ARMC9: variants seen among roughly 807,000 people sequenced by gnomAD.
ARMC9 encodes the protein lisH domain-containing protein ARMC9.
Under a neutral mutation model 107.0 loss-of-function variants are expected in ARMC9, and 94 were observed. That is an observed-to-expected ratio of 0.88 (90% CI 0.74 to 1.04). The LOEUF (loss-of-function observed/expected upper bound fraction) is 1.04. ARMC9 is among the 50% of genes least tolerant of loss of function. The pLI is 0.00. For missense variants in ARMC9, 942 were observed against 1,030.1 expected (o/e 0.91, Z 1.17); for synonymous variants, 380 against 396.9 (o/e 0.96, Z 0.51).
At chr2:231,346,899 T>C (rs2044839960) in intron 21 of ARMC9, among the ~76,000 whole-genome samples, 1 of 152,228 alleles carries the variant, frequency 6.6e-6, no homozygotes, top group Non-Finnish European at 1.5e-5. Context: ...ATAAAATTCC[T>C]CTTGCTTGAC....
intron 6 of ARMC9, among the ~76,000 whole-genome samples, chr2:231,225,722 A>C (rs1231462668): frequency 6.6e-6 from 1 of 152,230 alleles, no homozygotes; most frequent in Non-Finnish European, 1.5e-5. Flanking sequence ...TGGGGAGAGC[A>C]GGGAAAATGG....
chr2:231,200,549 C>T (rs1053482029), intron 1 of ARMC9, among the ~76,000 whole-genome samples: 45 of 152,178 alleles, frequency 3.0e-4, no homozygotes, highest in Admixed American at 2.6e-4. Context: ...TGGCGGACGC[C>T]TGTAATCCCA....
intron 3 of ARMC9, among the ~76,000 whole-genome samples, chr2:231,210,001 T>C (rs2032592046): frequency 6.6e-6 from 1 of 152,192 alleles, no homozygotes; most frequent in Non-Finnish European, 1.5e-5. Context: ...TTTAACAGAT[T>C]TTTAAATTTT....
At position 231,345,063 on chromosome 2, in the gene ARMC9, C is replaced by T; in HGVS notation, c.1967C>T (p.Pro656Leu). ...GAGCCCCTGCAAAGGCCCGTCACCC[C>T]CGGCGGCCACAGAAACGGGTACCCA... ...GDEPLQRPVTPGGHRNGYPVV... is the reference protein window; with the variant it reads ...GDEPLQRPVTLGGHRNGYPVV... Residue 656 changes from proline (P) to leucine (L), a missense_variant, in exon 21 of 25, where the codon CCC becomes CTC. Coordinates refer to ENST00000611582, the MANE Select transcript of ARMC9 (RefSeq NM_001352754.2). 1 of 1,613,726 alleles carries T rather than the reference C, an allele frequency of 6.2e-7. No homozygotes were observed. The highest frequency in any genetic ancestry group is 8.5e-7 in the Non-Finnish European group (1 of 1,179,930).
chr2:231,285,235 A>G (rs2040505066), intron 17 of ARMC9, among the ~76,000 whole-genome samples: 1 of 152,102 alleles, frequency 6.6e-6, no homozygotes, highest in East Asian at 1.9e-4. Context: ...TTGGTCAAAC[A>G]TCAGCTTTAA....
At chr2:231,276,260 C>T (rs2039738649) in intron 14 of ARMC9, among the ~76,000 whole-genome samples, 1 of 151,574 alleles carries the variant, frequency 6.6e-6, no homozygotes, top group South Asian at 2.1e-4. Flanking sequence ...TATGCATTCA[C>T]ATTACTGTTT....
chr2:231,262,442 C>T, intron 12 of ARMC9, 44 bp downstream of exon 12: 1 of 1,529,348 alleles, frequency 6.5e-7, no homozygotes, highest in Non-Finnish European at 9.1e-7. Context: ...GCCTTCAATT[C>T]TAGGGAATGA....
intron 11 of ARMC9, among the ~76,000 whole-genome samples, chr2:231,259,901 CAGG>C (rs1279859259): frequency 6.6e-6 from 1 of 152,142 alleles, no homozygotes; most frequent in Admixed American, 6.5e-5. Context: ...GAGACTGAGG[CAGG>C]AGAATTGCTT....
At position 231,372,751 on chromosome 2, in the gene ARMC9, T is replaced by A. The variant is rs989228419; in HGVS notation, c.*1216T>A. On this transcript the variant is annotated 3_prime_UTR_variant, in exon 25 of 25. Transcript: ENST00000611582. ...GTGTGTGTGTGTGTGTGTGTGTGTG[T>A]GTGTATGAGTGTATGAAGGGAAATG... 1.2e-4 allele frequency: 10 copies of A among 86,026 alleles called. No homozygotes were observed. The highest frequency in any genetic ancestry group is 1.0e-4 in the Non-Finnish European group (5 of 48,856). 5.3% of individuals were successfully genotyped at this position (86,026 alleles called of 1,614,324 possible).
chr2:231,236,491 A>C (rs1232376406), intron 8 of ARMC9, among the ~76,000 whole-genome samples: 1 of 152,196 alleles, frequency 6.6e-6, no homozygotes, highest in Non-Finnish European at 1.5e-5. Context: ...GTAGATTCAC[A>C]CTGCAGTTAT....
intron 20 of ARMC9, among the ~76,000 whole-genome samples, chr2:231,337,079 G>A (rs2044142475): frequency 6.6e-6 from 1 of 152,206 alleles, no homozygotes; most frequent in Admixed American, 6.5e-5. Context: ...ACCAAAACTA[G>A]AGGAGAAAAG....
intron 14 of ARMC9, among the ~76,000 whole-genome samples, chr2:231,276,310 G>A (rs570970477): frequency 1.5e-4 from 22 of 148,756 alleles, no homozygotes; most frequent in South Asian, 4.3e-4. Flanking sequence ...TTGCTCCATC[G>A]CCCAGGCTGG....
At chr2:231,242,945 C>T (rs1454720028) in intron 9 of ARMC9, among the ~76,000 whole-genome samples, 2 of 151,940 alleles carry the variant, frequency 1.3e-5, no homozygotes, top group Non-Finnish European at 2.9e-5. Context: ...AACCCATCTC[C>T]ACAAAAAATA....
At chr2:231,228,530 C>T (rs2034888087) in intron 7 of ARMC9, among the ~76,000 whole-genome samples, 1 of 152,198 alleles carries the variant, frequency 6.6e-6, no homozygotes, top group Admixed American at 6.5e-5. Flanking sequence ...GTGAATGTCC[C>T]CAGAGAGAGC....
rs556734025 is a variant in ARMC9 at position 231,219,227 on chromosome 2, T to C, written c.504+2434T>C. Among the ~76,000 whole-genome samples, 4 of 152,286 alleles carry C rather than the reference T, an allele frequency of 2.6e-5. No homozygotes were observed. The East Asian group carries it at 7.7e-4, about 29-fold the overall frequency. On this transcript the variant is annotated intron_variant, in intron 5 of 24. Transcript: ENST00000611582. ...TACTATTTTATGCAATCAGTGTGTG[T>C]AGATTTTCCCTTATAGCTACCAGTA...
chr2:231,256,583 C>T lies in ARMC9; in HGVS notation c.880-3C>T, dbSNP rs750869801. The T allele has an allele frequency of 2.5e-6, 4 of 1,614,072 alleles. No individual in the cohort carries two copies. Among genetic ancestry groups the T allele is most frequent in the Admixed American group, 3.3e-5 (2 of 60,024 alleles). On this transcript the variant is annotated splice_polypyrimidine_tract_variant and splice_region_variant and intron_variant, in intron 9 of 24. Transcript: ENST00000611582. ...CTGTTTTCTTCTGTCCTCTTCCCCC[C>T]AGGCATCCACCATGTTACGAGCCTC...
chr2:231,211,678 T>G (rs1331152326), intron 3 of ARMC9, among the ~76,000 whole-genome samples: 3 of 152,226 alleles, frequency 2.0e-5, no homozygotes. Flanking sequence ...ATTGCCAAGC[T>G]GTTTTACAAA....
Position 231,350,937 on chromosome 2 carries a change from G to A in ARMC9, c.1995-4861G>A, listed in dbSNP as rs189060702. On this transcript the variant is annotated intron_variant, in intron 21 of 24. Coordinates refer to ENST00000611582, the MANE Select transcript of ARMC9 (RefSeq NM_001352754.2). ...CCTGCAGCCATCCTATTTGCACAAA[G>A]TGACAATTCTTTTTTTTTTTTTTTT... Among the ~76,000 whole-genome samples, 515 of 132,146 alleles carry A rather than the reference G, an allele frequency of 3.9e-3. 5 individuals are homozygous for A. The highest frequency in any genetic ancestry group is 0.015 in the African/African-American group (485 of 32,992). The allele number at this position is 132,146 out of a possible 152,430, so 86.7% of individuals were successfully genotyped here.
At chr2:231,319,764 G>A (rs975394570) in intron 19 of ARMC9, among the ~76,000 whole-genome samples, 2 of 152,176 alleles carry the variant, frequency 1.3e-5, no homozygotes, top group African/African-American at 4.8e-5. Flanking sequence ...TGTCCTGCAT[G>A]TGGCCACCAG....
Sources: gnomAD v4.1 joint callset for allele counts (sites outside exome capture counted in the v4.1 genomes callset) on GRCh38, gnomAD v4.1.1 for gene constraint, MANE v1.5 for transcripts, NCBI Gene and HGNC (gene_info 2026-07-23, HGNC 2026-07-21) for gene names.